The following DNAH17 variants were observed in gnomAD, a reference collection of about 807,000 sequenced individuals.
DNAH17 encodes the protein dynein axonemal heavy chain 17, also known as axonemal beta dynein heavy chain 17.
Under a neutral mutation model 485.6 loss-of-function variants are expected in DNAH17, and 376 were observed. The observed-to-expected ratio is 0.77, with a 90% CI of 0.71 to 0.84. The LOEUF is 0.84. Among genes scored for constraint, DNAH17 ranks in the 40% least tolerant of loss-of-function variants. The probability of loss-of-function intolerance (pLI) is 0.00; values close to 1 mark genes in which losing one functional copy is unlikely to be tolerated. For missense variants in DNAH17, 6,370 were observed against 5,839.3 expected (o/e 1.09, Z -2.96); for synonymous variants, 3,031 against 2,405.9 (o/e 1.26, Z -7.60).
At chr17:78,515,295 G>A (rs2090751508) in intron 25 of DNAH17, among the ~76,000 whole-genome samples, 1 of 152,180 alleles carries the variant, frequency 6.6e-6, no homozygotes, top group South Asian at 2.1e-4. Context: ...GATTACCTGA[G>A]GTCAGGAGTT....
rs146558631 is a variant in DNAH17, at chr17:78,485,385, CCT to C, written c.7483+163_7483+164del. Among the ~76,000 whole-genome samples, 366 of 152,216 alleles carry C rather than the reference CCT, an allele frequency of 2.4e-3. 1 individual carries two copies. Among genetic ancestry groups the C allele is most frequent in the African/African-American group, 7.7e-3 (318 of 41,476 alleles). On this transcript the variant is annotated intron_variant, in intron 47 of 80. Transcript: ENST00000389840. ...AGAAAGAGGGGTCCCGGCTGCTCCTCCTCTGTCTCCGACTCAGGAAGGAAAGG... is the reference window on the plus strand; with the variant it reads ...AGAAAGAGGGGTCCCGGCTGCTCCTCCTGTCTCCGACTCAGGAAGGAAAGG...
At chr17:78,547,992 T>C (rs2091810831) in intron 16 of DNAH17, among the ~76,000 whole-genome samples, 1 of 152,202 alleles carries the variant, frequency 6.6e-6, no homozygotes, top group South Asian at 2.1e-4. Context: ...TATTGTTATT[T>C]CCCTTTGCAT....
intron 14 of DNAH17, among the ~76,000 whole-genome samples, chr17:78,557,374 T>C (rs2092047164): frequency 6.6e-6 from 1 of 151,946 alleles, no homozygotes; most frequent in Non-Finnish European, 1.5e-5. Flanking sequence ...TCCCAACACT[T>C]TGGGAGGCAG....
chr17:78,558,984 C>G (rs992241102), intron 13 of DNAH17, among the ~76,000 whole-genome samples: 2 of 152,232 alleles, frequency 1.3e-5, no homozygotes, highest in African/African-American at 4.8e-5. Flanking sequence ...GGACACTAGA[C>G]ATTCCTGGTC....
chr17:78,575,995 CTG>C (rs1271394118), intron 1 of DNAH17, among the ~76,000 whole-genome samples: 2 of 152,224 alleles, frequency 1.3e-5, no homozygotes, highest in East Asian at 3.8e-4. Context: ...TCGCCTGATG[CTG>C]TGTTTTCATC....
At chr17:78,518,400 A>G (rs1204413632) in intron 25 of DNAH17, among the ~76,000 whole-genome samples, 1 of 152,226 alleles carries the variant, frequency 6.6e-6, no homozygotes, top group African/African-American at 2.4e-5. Context: ...TCCTAGAGAC[A>G]AAAGGAACAT....
chr17:78,519,309 G>C (rs994913645), intron 25 of DNAH17, among the ~76,000 whole-genome samples: 4 of 151,930 alleles, frequency 2.6e-5, no homozygotes, highest in Non-Finnish European at 5.9e-5. Context: ...AGCTAATGTA[G>C]AGAGGGAAAT....
At chr17:78,567,986 G>A (rs895668642) in intron 9 of DNAH17, among the ~76,000 whole-genome samples, 1 of 152,092 alleles carries the variant, frequency 6.6e-6, no homozygotes, top group Non-Finnish European at 1.5e-5. Context: ...GCTGAGGTTG[G>A]TGCTATTCTC....
chr17:78,425,628 C>A lies in DNAH17; in HGVS notation c.12916-57G>T, dbSNP rs8069521. ...GGACATAGAATGACATGGGAACGAC[C>A]GGGCCTTGGCCGTTCTGAGCAGGGG... is the stretch of plus-strand genomic sequence containing the variant. On this transcript the variant is annotated intron_variant, in intron 79 of 80. Coordinates refer to ENST00000389840, the MANE Select transcript of DNAH17 (RefSeq NM_173628.4). The A allele has an allele frequency of 0.16, 238,347 of 1,477,306 alleles. 20,248 individuals are homozygous for A. Among genetic ancestry groups the A allele is most frequent in the Middle Eastern group, 0.2 (868 of 4,244 alleles). 91.5% of individuals were successfully genotyped at this position (1,477,306 alleles called of 1,614,324 possible).
intron 62 of DNAH17, among the ~76,000 whole-genome samples, chr17:78,457,009 C>G (rs985059491): frequency 2.0e-5 from 3 of 152,230 alleles, no homozygotes; most frequent in African/African-American, 7.2e-5. Context: ...CAGCAGGCAG[C>G]TGCCAGCCCT....
Position 78,574,953 on chromosome 17 carries a change from C to G in DNAH17, c.105G>C (p.Glu35Asp), listed in dbSNP as rs774251263. Residue 35 changes from glutamate to aspartate, a missense_variant, in exon 2 of 81, where the codon GAG becomes GAC. Coordinates refer to ENST00000389840, the MANE Select transcript of DNAH17 (RefSeq NM_173628.4). ...DKWSKLIGAE[E>D]NVALFTEFFE... is the part of the protein sequence containing the mutation. ...AGAACTCTGTGAACAGGGCCACGTT[C>G]TCCTCGGCGCCTATCAGCTTGCTCC... 1 of 1,614,020 alleles carries G rather than the reference C, an allele frequency of 6.2e-7. No individual in the cohort carries two copies. The highest frequency in any genetic ancestry group is 8.5e-7 in the Non-Finnish European group (1 of 1,179,896).
chr17:78,450,474 G>T, intron 67 of DNAH17, 80 bp from the exon 68 acceptor site: 3 of 1,561,488 alleles, frequency 1.9e-6, no homozygotes, highest in Non-Finnish European at 2.6e-6. Flanking sequence ...CCAGCCACCA[G>T]CCTCGCTCCC....
intron 57 of DNAH17, among the ~76,000 whole-genome samples, chr17:78,462,151 GAC>G: frequency 6.6e-6 from 1 of 152,048 alleles, no homozygotes; most frequent in Non-Finnish European, 1.5e-5. Context: ...CAGCTTGGAT[GAC>G]AGAGCGAGAC....
chr17:78,548,404 C>G (rs554404483), intron 16 of DNAH17, among the ~76,000 whole-genome samples: 47 of 152,146 alleles, frequency 3.1e-4, no homozygotes, highest in African/African-American at 1.1e-3. Context: ...CGGAGTTTCA[C>G]CGTGTTAGCC....
chr17:78,492,798 C>T (rs1300477798), intron 41 of DNAH17, 33 bp from the exon 42 acceptor site: 1 of 1,598,602 alleles, frequency 6.3e-7, no homozygotes. Flanking sequence ...ACGTGTGACT[C>T]CATGTTCCTG....
intron 16 of DNAH17, 96 bp from the exon 17 acceptor site, chr17:78,544,093 T>C: frequency 6.5e-7 from 1 of 1,542,932 alleles, no homozygotes; most frequent in Non-Finnish European, 8.8e-7. Flanking sequence ...GTTTCGTCAC[T>C]GCTGCCTGAT....
chr17:78,518,399 C>A (rs1266214486), intron 25 of DNAH17, among the ~76,000 whole-genome samples: 1 of 152,042 alleles, frequency 6.6e-6, no homozygotes, highest in Non-Finnish European at 1.5e-5. Flanking sequence ...TTCCTAGAGA[C>A]AAAAGGAACA....
intron 56 of DNAH17, among the ~76,000 whole-genome samples, chr17:78,465,035 T>TC (rs2088348370): frequency 6.6e-6 from 1 of 152,202 alleles, no homozygotes; most frequent in South Asian, 2.1e-4. Flanking sequence ...CGCTGCAGCC[T>TC]CCCTGCCTGA....
rs1414307677 is a variant in DNAH17 at position 78,524,996 on chromosome 17, G to A, written c.3864+13C>T. 4.4e-6 allele frequency: 7 copies of A among 1,608,912 alleles called. No individual in the cohort carries two copies. In the Admixed American group the frequency reaches 1.2e-4, roughly 27 times the overall value. ...ATCCCGGGCCCCACCCACGCGGCGT[G>A]CCCTGCACTCACCACAACAACCATG... is the stretch of plus-strand genomic sequence containing the variant. On this transcript the variant is annotated intron_variant, in intron 25 of 80. Coordinates refer to ENST00000389840, the MANE Select transcript of DNAH17 (RefSeq NM_173628.4).
Sources: allele counts gnomAD v4.1 joint callset (sites outside exome capture counted in the v4.1 genomes callset), GRCh38; gene constraint gnomAD v4.1.1; transcripts MANE v1.5; gene names NCBI Gene and HGNC (gene_info 2026-07-23, HGNC 2026-07-21).